GPATCH2: variants seen among roughly 807,000 people sequenced by gnomAD.
GPATCH2 encodes G-patch domain containing 2, also known as G patch domain-containing protein 2.
In GPATCH2, 51 loss-of-function variants were observed where a neutral mutation model predicts 58.0. The observed-to-expected ratio is 0.88, with a 90% CI of 0.70 to 1.11. The LOEUF is 1.11. Among genes scored for constraint, GPATCH2 ranks in the 50% most tolerant of loss-of-function variants. The pLI is 0.00. For missense variants in GPATCH2, 625 were observed against 652.2 expected (o/e 0.96, Z 0.45); for synonymous variants, 222 against 218.5 (o/e 1.02, Z -0.14).
rs1665775397 is a variant in GPATCH2, at chr1:217,558,861, A to T, written c.1099-43972T>A. On this transcript the variant is annotated intron_variant, in intron 5 of 9. Coordinates refer to ENST00000366935, the MANE Select transcript of GPATCH2 (RefSeq NM_018040.5). ...TGAATCAAAGTTAAGGCAAAAGCCT[A>T]GAAGTCATCCCTGACTACTACTCCT... Among the ~76,000 whole-genome samples the T allele has an allele frequency of 2.0e-5, 3 of 152,308 alleles. No individual in the cohort carries two copies. The South Asian group carries it at 6.2e-4, about 32-fold the overall frequency.
chr1:217,582,012 T>A (rs1667105760), intron 5 of GPATCH2, among the ~76,000 whole-genome samples: 1 of 152,130 alleles, frequency 6.6e-6, no homozygotes, highest in Admixed American at 6.5e-5. Context: ...TCTCTTCTAC[T>A]AAAAAATACC....
At chr1:217,582,273 T>C (rs1667115634) in intron 5 of GPATCH2, among the ~76,000 whole-genome samples, 1 of 152,126 alleles carries the variant, frequency 6.6e-6, no homozygotes, top group Non-Finnish European at 1.5e-5. Flanking sequence ...TCCTTGTTGC[T>C]CTTTGGAATA....
intron 5 of GPATCH2, among the ~76,000 whole-genome samples, chr1:217,552,291 T>A (rs1483926582): frequency 6.6e-6 from 1 of 152,172 alleles, no homozygotes; most frequent in African/African-American, 2.4e-5. Flanking sequence ...ACTTCAAATA[T>A]ATTCATATTC....
chr1:217,468,750 T>A (rs145363043), intron 8 of GPATCH2, among the ~76,000 whole-genome samples: 168 of 152,234 alleles, frequency 1.1e-3, no homozygotes, highest in African/African-American at 3.9e-3. Context: ...ACTGAGACTT[T>A]TTTTTTTAAG....
At chr1:217,577,998 T>G (rs1666889285) in intron 5 of GPATCH2, among the ~76,000 whole-genome samples, 1 of 149,362 alleles carries the variant, frequency 6.7e-6, no homozygotes, top group African/African-American at 2.5e-5. Flanking sequence ...CCGTCCTCCT[T>G]GGACTCCCAA....
At chr1:217,490,478 T>A (rs1252109488) in intron 8 of GPATCH2, among the ~76,000 whole-genome samples, 1 of 152,204 alleles carries the variant, frequency 6.6e-6, no homozygotes, top group Non-Finnish European at 1.5e-5. Flanking sequence ...TTCCATTCTT[T>A]TCCTCAAGGA....
intron 9 of GPATCH2, among the ~76,000 whole-genome samples, chr1:217,431,752 G>A (rs1229544861): frequency 6.6e-6 from 1 of 152,144 alleles, no homozygotes; most frequent in African/African-American, 2.4e-5. Flanking sequence ...TCATTACCAT[G>A]TTAGCCTTAT....
At chr1:217,614,061 C>T (rs1020879029) in intron 3 of GPATCH2, 80 bp downstream of exon 3, 5 of 820,592 alleles carry the variant, frequency 6.1e-6, no homozygotes, top group Admixed American at 1.8e-5. Flanking sequence ...CAGTCATCAA[C>T]TTATGAAATA....
intron 5 of GPATCH2, among the ~76,000 whole-genome samples, chr1:217,538,975 A>C (rs1372890159): frequency 6.6e-6 from 1 of 152,198 alleles, no homozygotes; most frequent in African/African-American, 2.4e-5. Flanking sequence ...ATCTAAAAGC[A>C]GATGAAAAGG....
intron 8 of GPATCH2, among the ~76,000 whole-genome samples, chr1:217,485,424 T>TAC (rs1192565566): frequency 2.6e-5 from 4 of 152,044 alleles, no homozygotes; most frequent in Admixed American, 1.3e-4. Flanking sequence ...AATTAACCAT[T>TAC]ACATGGTGTA....
chr1:217,495,074 AC>A, intron 7 of GPATCH2: 1 of 709,712 alleles, frequency 1.4e-6, no homozygotes, highest in Non-Finnish European at 1.7e-6. Context: ...CTTATTAGTG[AC>A]CTGCAGATGT....
intron 1 of GPATCH2, among the ~76,000 whole-genome samples, chr1:217,622,643 A>G (rs573883009): frequency 6.6e-6 from 1 of 152,204 alleles, no homozygotes; most frequent in Non-Finnish European, 1.5e-5. Context: ...TCCCGGGTTC[A>G]AGTGATTCTC....
chr1:217,509,909 A>G (rs1442115765), intron 6 of GPATCH2, among the ~76,000 whole-genome samples: 2 of 152,198 alleles, frequency 1.3e-5, no homozygotes, highest in Admixed American at 6.5e-5. Flanking sequence ...AGGAAAAAAT[A>G]AGAGAGATAG....
rs60995546 is a variant in GPATCH2, at chr1:217,476,235, AGTGT to A, written c.1277+15441_1277+15444del. Among the ~76,000 whole-genome samples the A allele has an allele frequency of 9.0e-3, 1,319 of 146,036 alleles. 5 individuals carry two copies. Among genetic ancestry groups the A allele is most frequent in the African/African-American group, 0.018 (711 of 39,682 alleles). Reference sequence around the variant, plus strand: ...AAAGAGGGAAAGAAATCCAGATATGAGTGTGTGTGTGTGTGTGTGTGTGTGTGTG... The same window carrying A: ...AAAGAGGGAAAGAAATCCAGATATGAGTGTGTGTGTGTGTGTGTGTGTGTG... On this transcript the variant is annotated intron_variant, in intron 8 of 9. Coordinates refer to ENST00000366935, the MANE Select transcript of GPATCH2 (RefSeq NM_018040.5).
chr1:217,612,639 G>C (rs1051142659), intron 3 of GPATCH2, among the ~76,000 whole-genome samples: 7 of 152,054 alleles, frequency 4.6e-5, no homozygotes, highest in Admixed American at 4.6e-4. Flanking sequence ...AAAAAACAGG[G>C]CCTCACTTGA....
intron 5 of GPATCH2, chr1:217,609,639 T>C: frequency 1.0e-6 from 1 of 978,534 alleles, no homozygotes; most frequent in Non-Finnish European, 1.2e-6. Context: ...ATCTTAGCCC[T>C]TGTTAAAATA....
chr1:217,442,290 A>G (rs900341846), intron 9 of GPATCH2, among the ~76,000 whole-genome samples: 8 of 152,170 alleles, frequency 5.3e-5, no homozygotes, highest in African/African-American at 1.9e-4. Flanking sequence ...GAGTTGAACA[A>G]TGAGAACACA....
rs1315000640 is a variant in GPATCH2, at chr1:217,520,021, C to T, written c.1099-5132G>A. Among the ~76,000 whole-genome samples the T allele has an allele frequency of 4.6e-5, 7 of 152,012 alleles. No homozygotes were observed. In the East Asian group the frequency reaches 7.7e-4, roughly 17 times the overall value. Reference sequence around the variant, plus strand: ...GAAAAATATTAGTAAATATAATTCACGTAATAATTCATGTTTCACCTTTAT... The same window carrying T: ...GAAAAATATTAGTAAATATAATTCATGTAATAATTCATGTTTCACCTTTAT... On this transcript the variant is annotated intron_variant, in intron 5 of 9. Transcript: ENST00000366935.
chr1:217,618,977 G>T (rs1051295967), intron 2 of GPATCH2, among the ~76,000 whole-genome samples: 1 of 147,640 alleles, frequency 6.8e-6, no homozygotes, highest in African/African-American at 2.5e-5. Flanking sequence ...AAAAAAAAAA[G>T]ATAGCAGCCC....
Sources: gnomAD v4.1 joint callset for allele counts (sites outside exome capture counted in the v4.1 genomes callset) on GRCh38, gnomAD v4.1.1 for gene constraint, MANE v1.5 for transcripts, NCBI Gene and HGNC (gene_info 2026-07-23, HGNC 2026-07-21) for gene names.